The following ZFHX4 variants were observed in gnomAD, a reference collection of about 807,000 sequenced individuals.
ZFHX4 encodes zinc finger homeobox protein 4.
Under a neutral mutation model 267.6 loss-of-function variants are expected in ZFHX4, and 56 were observed. That is an observed-to-expected ratio of 0.21 (90% CI 0.17 to 0.26). The LOEUF (loss-of-function observed/expected upper bound fraction) is 0.26, where lower values mean the gene tolerates loss of function less well. ZFHX4 is among the 10% of genes least tolerant of loss of function. The probability of loss-of-function intolerance (pLI) is 1.00; values close to 1 mark genes in which losing one functional copy is unlikely to be tolerated. For missense variants in ZFHX4, 4,332 were observed against 4,420.0 expected (o/e 0.98, Z 0.56); for synonymous variants, 1,778 against 1,665.6 (o/e 1.07, Z -1.64).
intron 3 of ZFHX4, among the ~76,000 whole-genome samples, chr8:76,742,415 C>T (rs763817859): frequency 2.0e-5 from 3 of 152,146 alleles, no homozygotes; most frequent in Non-Finnish European, 4.4e-5. Flanking sequence ...AGGAACCTTA[C>T]GTTTAATTAC....
chr8:76,838,138 A>T (rs983565901), intron 5 of ZFHX4, among the ~76,000 whole-genome samples: 13 of 152,294 alleles, frequency 8.5e-5, no homozygotes, highest in Middle Eastern at 3.4e-3. Context: ...TACATATAGG[A>T]AGGGAGAAAG....
At chr8:76,842,986 G>C (rs1211937543) in intron 6 of ZFHX4, among the ~76,000 whole-genome samples, 3 of 152,112 alleles carry the variant, frequency 2.0e-5, no homozygotes, top group African/African-American at 4.8e-5. Flanking sequence ...ATAACCATCT[G>C]ACAGAATAGA....
intron 3 of ZFHX4, among the ~76,000 whole-genome samples, chr8:76,741,860 C>A (rs527303188): frequency 1.1e-3 from 175 of 152,274 alleles, no homozygotes; most frequent in African/African-American, 4.1e-3. Flanking sequence ...CAGAGATGAC[C>A]ATGCTCTTAG....
chr8:76,833,526 C>T (rs1188168911), intron 5 of ZFHX4, 120 bp downstream of exon 5: 2 of 690,594 alleles, frequency 2.9e-6, no homozygotes, highest in African/African-American at 1.9e-5. Context: ...TGATCATATG[C>T]CTTATTCAAA....
Position 76,864,347 on chromosome 8 carries a change from C to T in ZFHX4, c.10633C>T (p.Pro3545Ser). The T allele has an allele frequency of 6.2e-7, 1 of 1,613,740 alleles. No homozygotes were observed. Among genetic ancestry groups the T allele is most frequent in the Admixed American group, 1.7e-5 (1 of 59,994 alleles). The change falls in exon 11 of 11, where the codon CCT becomes TCT. Residue 3545 changes from proline to serine, a missense_variant. Physicochemically the swap from Pro to Ser is moderately conservative, Grantham distance 74. This residue lies in a region of ZFHX4 where 1,648 missense variants were observed against 1,625.0 expected (regional missense o/e 1.01). Transcript: ENST00000651372. ...ARRAASPPSS[P>S]PSLSLPSTVT... ...GAGAGCTGCTTCTCCCCCTTCTTCT[C>T]CTCCTTCCCTTTCCTTGCCTTCAAC...
In ZFHX4 at chr8:76,705,821, C is replaced by A. The variant is rs1808246990; in HGVS notation, c.1733C>A (p.Ala578Asp). 6.2e-7 allele frequency: 1 copy of A among 1,613,760 alleles called. No individual in the cohort carries two copies. Among genetic ancestry groups the A allele is most frequent in the Admixed American group, 1.7e-5 (1 of 59,990 alleles). ...ACAGCTGCTCATCCAAGTGAAATAG[C>A]CCGGGGAGACGAAGACAGTTCAGCC... is the stretch of plus-strand genomic sequence containing the variant. ...SATAAHPSEI[A>D]RGDEDSSATP... is the part of the protein sequence containing the mutation. The change falls in exon 2 of 11, where the codon GCC (alanine) becomes GAC (aspartate). Residue 578 changes from alanine (A) to aspartate (D), a missense_variant. By Grantham distance (126) the Ala-to-Asp change is moderately radical (BLOSUM62 -2). Transcript: ENST00000651372.
intron 10 of ZFHX4, among the ~76,000 whole-genome samples, chr8:76,862,222 C>T (rs999677124): frequency 2.6e-5 from 4 of 152,170 alleles, no homozygotes; most frequent in Admixed American, 1.3e-4. Flanking sequence ...AGATCTTTTA[C>T]ATTCCTCTAG....
intron 1 of ZFHX4, among the ~76,000 whole-genome samples, chr8:76,694,494 C>G (rs1585853789): frequency 1.3e-5 from 2 of 152,246 alleles, no homozygotes; most frequent in East Asian, 3.9e-4. Flanking sequence ...TTCATTTGTG[C>G]CACTTCACAA....
chr8:76,700,644 T>C (rs2131598202), intron 1 of ZFHX4, among the ~76,000 whole-genome samples: 1 of 152,186 alleles, frequency 6.6e-6, no homozygotes, highest in East Asian at 1.9e-4. Context: ...CTGCATATTG[T>C]CCATTAGTTC....
At chr8:76,682,065 G>A (rs1433798439) in intron 1 of ZFHX4, among the ~76,000 whole-genome samples, 1 of 152,152 alleles carries the variant, frequency 6.6e-6, no homozygotes, top group African/African-American at 2.4e-5. Context: ...TAGTGGCTGG[G>A]GGAAGCTGTC....
chr8:76,851,217 C>T lies in ZFHX4; in HGVS notation c.4296C>T (p.Arg1432=), dbSNP rs764234930. ...CGACAATGTGTAACCTCTGCCAGCG[C>T]AGTTTCCGTACATTCCAGGCTTTAA... ...RAATMCNLCQ[R]SFRTFQALKK... is the part of the protein sequence containing the mutation. The change falls in exon 10 of 11, where the codon CGC becomes CGT. Residue 1432 remains arginine (R), a synonymous_variant. Coordinates refer to ENST00000651372, the MANE Select transcript of ZFHX4 (RefSeq NM_024721.5). 8 of 1,613,742 alleles carry T rather than the reference C, an allele frequency of 5.0e-6. No individual in the cohort carries two copies. Among genetic ancestry groups the T allele is most frequent in the Admixed American group, 1.7e-5 (1 of 59,992 alleles).
At chr8:76,802,698 G>A (rs906055664) in intron 4 of ZFHX4, among the ~76,000 whole-genome samples, 1 of 152,104 alleles carries the variant, frequency 6.6e-6, no homozygotes, top group Non-Finnish European at 1.5e-5. Context: ...AATGGTTACC[G>A]AGTGCATCAT....
intron 4 of ZFHX4, among the ~76,000 whole-genome samples, chr8:76,831,284 G>C (rs181499997): frequency 1.3e-5 from 2 of 152,290 alleles, no homozygotes; most frequent in Non-Finnish European, 2.9e-5. Flanking sequence ...TTTTGAACAA[G>C]TCTATATGAT....
At chr8:76,822,450 C>CTGTTTT (rs1418711368) in intron 4 of ZFHX4, among the ~76,000 whole-genome samples, 7 of 137,458 alleles carry the variant, frequency 5.1e-5, no homozygotes, top group East Asian at 2.3e-4. Flanking sequence ...CTGTGTCTAC[C>CTGTTTT]TCTTTTTTTT....
At position 76,853,887 on chromosome 8, in the gene ZFHX4, C is replaced by T; in HGVS notation, c.6966C>T (p.Pro2322=). 6.2e-7 allele frequency: 1 copy of T among 1,613,884 alleles called. No homozygotes were observed. The highest frequency in any genetic ancestry group is 8.5e-7 in the Non-Finnish European group (1 of 1,179,872). ...YQCKKCNVVF[P]RIFDLITHQK... ...GTAAAAAGTGCAATGTGGTTTTCCC[C>T]AGGATCTTTGACTTGATTACGCATC... Residue 2322 remains proline, a synonymous_variant, in exon 10 of 11, where the codon CCC becomes CCT. Transcript: ENST00000651372.
intron 4 of ZFHX4, among the ~76,000 whole-genome samples, chr8:76,794,632 A>T (rs1255405331): frequency 6.6e-6 from 1 of 152,150 alleles, no homozygotes; most frequent in Non-Finnish European, 1.5e-5. Context: ...AGGAGACTGT[A>T]ATAGTTTTCT....
intron 4 of ZFHX4, among the ~76,000 whole-genome samples, chr8:76,817,070 G>T (rs1476939394): frequency 6.6e-6 from 1 of 152,060 alleles, no homozygotes. Context: ...TTAAAAAAAA[G>T]GTTCAGCTAA....
intron 3 of ZFHX4, among the ~76,000 whole-genome samples, chr8:76,711,816 A>T (rs1808431841): frequency 6.6e-6 from 1 of 152,172 alleles, no homozygotes; most frequent in African/African-American, 2.4e-5. Context: ...AACAAATGAA[A>T]CTGGCAATAT....
chr8:76,700,023 CACTATGACATATTGATAG>C (rs1193543948), intron 1 of ZFHX4, among the ~76,000 whole-genome samples: 3 of 152,024 alleles, frequency 2.0e-5, no homozygotes, highest in African/African-American at 7.2e-5. Context: ...TTGCCTAACT[CACTATGACATATTGATAG>C]AGGATTTGGA....
Sources: allele counts gnomAD v4.1 joint callset (sites outside exome capture counted in the v4.1 genomes callset), GRCh38; gene constraint gnomAD v4.1.1; regional missense constraint gnomAD v4.1.1; transcripts MANE v1.5; gene names NCBI Gene and HGNC (gene_info 2026-07-23, HGNC 2026-07-21).